DTNBP1: variants seen among roughly 807,000 people sequenced by gnomAD.
DTNBP1 encodes dysbindin.
Under a neutral mutation model 42.8 loss-of-function variants are expected in DTNBP1, and 35 were observed. The ratio of observed to expected loss-of-function variants is 0.82; its 90% CI spans 0.63 to 1.09. The LOEUF is 1.09. Among genes scored for constraint, DTNBP1 ranks in the 50% least tolerant of loss-of-function variants. The pLI is 0.00. For synonymous variants in DTNBP1, 171 were observed against 162.2 expected (o/e 1.05, Z -0.41); for missense variants, 457 against 424.2 (o/e 1.08, Z -0.68).
At chr6:15,661,627 C>T (rs1342876154) in intron 1 of DTNBP1, among the ~76,000 whole-genome samples, 1 of 120,460 alleles carries the variant, frequency 8.3e-6, no homozygotes, top group Non-Finnish European at 1.6e-5. Flanking sequence ...GTCTGGGTGA[C>T]AGAGCAAGAC....
At chr6:15,612,630 C>G (rs1444403860) in intron 6 of DTNBP1, among the ~76,000 whole-genome samples, 5 of 152,174 alleles carry the variant, frequency 3.3e-5, no homozygotes, top group Admixed American at 3.3e-4. Context: ...TTAGCTGGTG[C>G]CAAGCACTAT....
intron 6 of DTNBP1, chr6:15,595,055 G>A (rs539200855): frequency 6.6e-6 from 3 of 452,774 alleles, no homozygotes; most frequent in East Asian, 7.0e-5. Flanking sequence ...CTGCTGTGAA[G>A]AGGACAAGCC....
chr6:15,560,381 A>G (rs1332292522), intron 7 of DTNBP1, among the ~76,000 whole-genome samples: 1 of 152,230 alleles, frequency 6.6e-6, no homozygotes, highest in Non-Finnish European at 1.5e-5. Flanking sequence ...TTTTGCACCA[A>G]TTGGGTAAAG....
chr6:15,546,893 C>T (rs1036410152), intron 7 of DTNBP1, among the ~76,000 whole-genome samples: 10 of 151,350 alleles, frequency 6.6e-5, no homozygotes, highest in Admixed American at 2.6e-4. Context: ...GCTAAAATGC[C>T]GCATGAAATA....
At chr6:15,546,795 G>C (rs893660157) in intron 7 of DTNBP1, among the ~76,000 whole-genome samples, 3 of 152,176 alleles carry the variant, frequency 2.0e-5, no homozygotes, top group African/African-American at 7.2e-5. Context: ...CTACATGGAT[G>C]AGTCACAGTT....
At chr6:15,572,812 C>T (rs994054995) in intron 7 of DTNBP1, among the ~76,000 whole-genome samples, 29 of 152,132 alleles carry the variant, frequency 1.9e-4, no homozygotes, top group African/African-American at 6.7e-4. Context: ...GCTCACTGCA[C>T]CTTCAACCTC....
At chr6:15,529,647 A>G (rs1368173272) in intron 8 of DTNBP1, among the ~76,000 whole-genome samples, 2 of 152,252 alleles carry the variant, frequency 1.3e-5, no homozygotes, top group Non-Finnish European at 2.9e-5. Flanking sequence ...GTTCAGAAAC[A>G]CAAGAGCCTG....
Position 15,548,274 on chromosome 6 carries a change from T to G in DTNBP1, c.512-14879A>C, listed in dbSNP as rs572715496. On this transcript the variant is annotated intron_variant, in intron 7 of 9. Transcript: ENST00000344537. ...ACTTCCCAACCTTGATAACCTGGTA[T>G]GCTTGTTATTCAACATAAATAATCA... 10 of 152,374 alleles carry G rather than the reference T, an allele frequency of 6.6e-5. 1 individual carries two copies. In the South Asian group the frequency reaches 2.1e-3, roughly 32 times the overall value. 9.4% of individuals were successfully genotyped at this position (152,374 alleles called of 1,614,324 possible).
intron 7 of DTNBP1, among the ~76,000 whole-genome samples, chr6:15,543,178 T>A (rs1313396281): frequency 2.6e-5 from 4 of 152,154 alleles, no homozygotes; most frequent in African/African-American, 9.7e-5. Flanking sequence ...CATCAGGGAT[T>A]TTTCCCCCCA....
intron 5 of DTNBP1, among the ~76,000 whole-genome samples, chr6:15,617,394 C>G (rs1758774388): frequency 6.6e-6 from 1 of 151,780 alleles, no homozygotes; most frequent in Admixed American, 6.6e-5. Flanking sequence ...TGGAATCACA[C>G]AAGACCCTGA....
At chr6:15,580,072 A>G (rs1238778701) in intron 7 of DTNBP1, among the ~76,000 whole-genome samples, 3 of 152,266 alleles carry the variant, frequency 2.0e-5, no homozygotes, top group African/African-American at 7.2e-5. Flanking sequence ...TTGAAGATAA[A>G]TATCTGCAAT....
chr6:15,637,727 A>G lies in DTNBP1; in HGVS notation c.222+17T>C. The G allele has an allele frequency of 6.2e-7, 1 of 1,613,656 alleles. No homozygotes were observed. Among genetic ancestry groups the G allele is most frequent in the Non-Finnish European group, 8.5e-7 (1 of 1,179,806 alleles). ...AAGGAAAGTTTGCCACGAGTATAAG[A>G]TTAGTCAATTCTTTACCTCTCCAGC... On this transcript the variant is annotated intron_variant, in intron 4 of 9. Coordinates refer to ENST00000344537, the MANE Select transcript of DTNBP1 (RefSeq NM_032122.5).
chr6:15,549,490 TTAAAAAAAAAAA>T (rs1218712756), intron 7 of DTNBP1, among the ~76,000 whole-genome samples: 1 of 101,810 alleles, frequency 9.8e-6, no homozygotes, highest in African/African-American at 4.7e-5. Flanking sequence ...GTCTCAGGGA[TTAAAAAAAAAAA>T]AAAAAAAAAA....
At chr6:15,533,170 G>GCAGA (rs1419704769) in intron 8 of DTNBP1, 70 bp downstream of exon 8, 7 of 1,602,268 alleles carry the variant, frequency 4.4e-6, no homozygotes, top group Non-Finnish European at 5.9e-6. Context: ...CCCTGCTCTG[G>GCAGA]GGAGAGGGGT....
At chr6:15,645,920 A>C (rs1760655285) in intron 3 of DTNBP1, among the ~76,000 whole-genome samples, 1 of 152,036 alleles carries the variant, frequency 6.6e-6, no homozygotes, top group African/African-American at 2.4e-5. Flanking sequence ...TCAACATAAT[A>C]CTGGAAGTCC....
intron 6 of DTNBP1, among the ~76,000 whole-genome samples, chr6:15,610,874 G>A (rs1430088541): frequency 6.6e-6 from 1 of 152,240 alleles, no homozygotes; most frequent in African/African-American, 2.4e-5. Context: ...TTTAAAGTAA[G>A]GAGTCATCTC....
intron 6 of DTNBP1, among the ~76,000 whole-genome samples, chr6:15,607,251 T>C (rs994663007): frequency 6.6e-6 from 1 of 151,918 alleles, no homozygotes; most frequent in Non-Finnish European, 1.5e-5. Flanking sequence ...CTTCAAGTGA[T>C]CTGCCGCTTT....
At chr6:15,586,737 C>T (rs551975984) in intron 7 of DTNBP1, among the ~76,000 whole-genome samples, 19 of 152,284 alleles carry the variant, frequency 1.2e-4, no homozygotes, top group Admixed American at 9.8e-4. Context: ...CTGGTTTCTA[C>T]CCCCAGCACC....
chr6:15,566,697 TCTC>T (rs1430005066), intron 7 of DTNBP1, among the ~76,000 whole-genome samples: 3 of 149,814 alleles, frequency 2.0e-5, no homozygotes, highest in Non-Finnish European at 3.0e-5. Context: ...CTGGAATGAA[TCTC>T]CTTTTTTTTT....
Sources: allele counts gnomAD v4.1 joint callset (sites outside exome capture counted in the v4.1 genomes callset), GRCh38; gene constraint gnomAD v4.1.1; transcripts MANE v1.5; gene names NCBI Gene and HGNC (gene_info 2026-07-23, HGNC 2026-07-21).